The following RRN3 variants were observed in gnomAD, a reference collection of about 807,000 sequenced individuals.
RRN3 encodes the protein RNA polymerase I transcription factor RRN3.
In RRN3, 38 loss-of-function variants were observed where a neutral mutation model predicts 82.3. That is an observed-to-expected ratio of 0.46 (90% CI 0.36 to 0.61). The LOEUF (loss-of-function observed/expected upper bound fraction) is 0.61. Among genes scored for constraint, RRN3 ranks in the 20% least tolerant of loss-of-function variants. The pLI, the probability that RRN3 is intolerant of heterozygous loss-of-function variation, is 0.00. For missense variants in RRN3, 726 were observed against 793.1 expected, an observed-to-expected ratio of 0.92 and a Z score of 1.02; for synonymous variants, 284 against 284.3, an observed-to-expected ratio of 1.00 and a Z score of 0.01.
rs765870055 is a variant in RRN3, at chr16:15,092,553, G to A, written c.151C>T (p.Arg51Trp). 11 of 1,613,428 alleles carry A rather than the reference G, an allele frequency of 6.8e-6. No homozygotes were observed. The East Asian group carries it at 8.9e-5, about 13-fold the overall frequency. The change falls in exon 2 of 18, where the codon CGG becomes TGG. Residue 51 changes from arginine (R) to tryptophan (W), a missense_variant. Physicochemically the swap from Arg to Trp is moderately radical, Grantham distance 101. Coordinates refer to ENST00000198767, the MANE Select transcript of RRN3 (RefSeq NM_018427.5). ...FFNSPPRKTV[R>W]FGGTVTEVLL... ...ACTTCTGTCACAGTTCCACCAAACC[G>A]AACAGTTTTTCTTGGGGGAGAATTG...
At chr16:15,065,636 ATAT>A (rs2044937165) in intron 15 of RRN3, among the ~76,000 whole-genome samples, 1 of 152,200 alleles carries the variant, frequency 6.6e-6, no homozygotes, top group African/African-American at 2.4e-5. Flanking sequence ...TGAGTAATAG[ATAT>A]TATTCATTAT....
At chr16:15,076,726 T>A in intron 9 of RRN3, 76 bp from the exon 10 acceptor site, 1 of 1,015,906 alleles carries the variant, frequency 9.8e-7, no homozygotes, top group Non-Finnish European at 1.5e-6. Flanking sequence ...TGGAAATTCA[T>A]CTGATATACG....
In RRN3 at chr16:15,072,988, C is replaced by T. The variant is rs528304449; in HGVS notation, c.1090G>A (p.Val364Ile). The T allele has an allele frequency of 3.7e-6, 6 of 1,613,696 alleles. 1 individual carries two copies. In the South Asian group the frequency reaches 4.4e-5, roughly 12 times the overall value. ...LLLPTHASCHVQFFMFYLCSF... is the reference protein window; with the variant it reads ...LLLPTHASCHIQFFMFYLCSF... ...CAGAGGTAAAACATGAAAAACTGTA[C>T]ATGGCAGGAGGCATGGGTGGGCAAC... is the stretch of plus-strand genomic sequence containing the variant. Residue 364 changes from valine to isoleucine, a missense_variant, in exon 12 of 18, where the codon GTA becomes ATA. Transcript: ENST00000198767.
chr16:15,086,308 T>C (rs376310085), intron 4 of RRN3, 50 bp from the exon 5 acceptor site: 8 of 1,602,186 alleles, frequency 5.0e-6, no homozygotes, highest in African/African-American at 2.7e-5. Flanking sequence ...ATATAACATA[T>C]ACTATTACCA....
intron 3 of RRN3, among the ~76,000 whole-genome samples, chr16:15,089,850 T>A (rs150378517): frequency 7.0e-6 from 1 of 142,720 alleles, no homozygotes; most frequent in Admixed American, 7.1e-5. Context: ...TCAGAAACGC[T>A]GAAGTTTTAA....
At chr16:15,086,296 T>A (rs1267133739) in intron 4 of RRN3, 38 bp from the exon 5 acceptor site, 1 of 1,574,764 alleles carries the variant, frequency 6.4e-7, no homozygotes, top group Non-Finnish European at 8.7e-7. Flanking sequence ...AGCATGTTAT[T>A]AATATAACAT....
chr16:15,070,196 G>A lies in RRN3; in HGVS notation c.1318C>T (p.Gln440Ter). The A allele has an allele frequency of 6.2e-7, 1 of 1,606,842 alleles. No homozygotes were observed. The highest frequency in any genetic ancestry group is 1.3e-5 in the African/African-American group (1 of 74,130). ...CAGAATGCCTTTGTTCCCGAATCCT[G>A]GTTATTAAGGTATATGTGCAGCCAG... ...VNWLHIYLNN[Q>*]DSGTKAFCDV... is the part of the protein sequence containing the mutation. Residue 440 changes from glutamine to a stop codon, truncating the protein, a stop_gained, in exon 14 of 18, where the codon CAG (glutamine) becomes TAG (stop). Transcript: ENST00000198767. LOFTEE classifies it high-confidence loss of function.
chr16:15,087,140 G>A (rs1159935886), intron 3 of RRN3, among the ~76,000 whole-genome samples: 3 of 151,900 alleles, frequency 2.0e-5, no homozygotes, highest in East Asian at 1.9e-4. Flanking sequence ...ATACTGCACA[G>A]GAAAAAAACC....
In RRN3 at chr16:15,060,778, C is replaced by T. The variant is rs1451155379; in HGVS notation, c.*966G>A. Reference sequence around the variant, plus strand: ...CCAAGACTGCACTAGCAACTTCCACCTATTGTTGTGAGCAAAACCGTACAC... The same window carrying T: ...CCAAGACTGCACTAGCAACTTCCACTTATTGTTGTGAGCAAAACCGTACAC... On this transcript the variant is annotated 3_prime_UTR_variant, in exon 18 of 18. Transcript: ENST00000198767. The T allele has an allele frequency of 6.6e-6, 1 of 152,270 alleles. No homozygotes were observed. The highest frequency in any genetic ancestry group is 1.5e-5 in the Non-Finnish European group (1 of 68,062). The allele number at this position is 152,270 out of a possible 1,614,324, so 9.4% of individuals were successfully genotyped here. A position where few individuals can be genotyped will look rare whatever the true frequency, so the allele number is the denominator to read the frequency against.
chr16:15,067,519 G>C (rs1196038302), intron 15 of RRN3, among the ~76,000 whole-genome samples: 1 of 138,606 alleles, frequency 7.2e-6, no homozygotes, highest in Non-Finnish European at 1.6e-5. Context: ...CCAGACCTGA[G>C]AGAACAGAAC....
At chr16:15,090,616 A>C (rs2046091910) in intron 3 of RRN3, among the ~76,000 whole-genome samples, 1 of 152,196 alleles carries the variant, frequency 6.6e-6, no homozygotes, top group Non-Finnish European at 1.5e-5. Context: ...AACACTCCAT[A>C]TTTTTTAAAT....
At chr16:15,088,785 C>G (rs1044521260) in intron 3 of RRN3, among the ~76,000 whole-genome samples, 4 of 152,064 alleles carry the variant, frequency 2.6e-5, no homozygotes, top group South Asian at 2.1e-4. Context: ...GATAATAAAT[C>G]TGGGGAACAA....
chr16:15,082,008 T>TTG (rs2045726541), intron 8 of RRN3, among the ~76,000 whole-genome samples: 2 of 152,162 alleles, frequency 1.3e-5, no homozygotes, highest in Non-Finnish European at 2.9e-5. Context: ...CTAAAATTTC[T>TTG]TGTGTGTGTG....
intron 3 of RRN3, among the ~76,000 whole-genome samples, chr16:15,087,826 T>C (rs993788948): frequency 1.3e-5 from 2 of 152,126 alleles, no homozygotes. Context: ...TTTTTAAAAG[T>C]AAATCAGGCT....
Position 15,072,969 on chromosome 16 carries a change from T to TAA in RRN3, c.1107_1108dup (p.Tyr370PhefsTer54). On this transcript the variant is annotated frameshift_variant, in exon 12 of 18. Coordinates refer to ENST00000198767, the MANE Select transcript of RRN3 (RefSeq NM_018427.5). LOFTEE classifies it high-confidence loss of function. ...ACTCACCAATTTGAAACTACAGAGG[T>TAA]AAAACATGAAAAACTGTACATGGCA... 6.2e-7 allele frequency: 1 copy of TAA among 1,613,350 alleles called. No individual in the cohort carries two copies. The highest frequency in any genetic ancestry group is 1.1e-5 in the South Asian group (1 of 90,826).
At chr16:15,080,723 G>T (rs530397952) in intron 8 of RRN3, among the ~76,000 whole-genome samples, 1 of 152,232 alleles carries the variant, frequency 6.6e-6, no homozygotes, top group South Asian at 2.1e-4. Flanking sequence ...CGCCCAGCCA[G>T]CAATTTTGTA....
At chr16:15,077,446 A>C (rs2045509456) in intron 9 of RRN3, among the ~76,000 whole-genome samples, 1 of 151,808 alleles carries the variant, frequency 6.6e-6, no homozygotes, top group Non-Finnish European at 1.5e-5. Context: ...CCACTTTTAC[A>C]TCTTCCTCAT....
Position 15,060,563 on chromosome 16 carries a change from AC to A in RRN3, c.*1180del, listed in dbSNP as rs1236824143. ...TAAAGATGGCCATTTTCACAAGTAA[AC>A]AAAAAAGTACACATGTAAGAAACAA... On this transcript the variant is annotated 3_prime_UTR_variant, in exon 18 of 18. Coordinates refer to ENST00000198767, the MANE Select transcript of RRN3 (RefSeq NM_018427.5). The A allele has an allele frequency of 6.5e-6, 1 of 153,826 alleles. No homozygotes were observed. The highest frequency in any genetic ancestry group is 1.4e-5 in the Non-Finnish European group (1 of 69,056). 9.5% of individuals were successfully genotyped at this position (153,826 alleles called of 1,614,324 possible). A position where few individuals can be genotyped will look rare whatever the true frequency, so the allele number is the denominator to read the frequency against.
At chr16:15,076,096 T>A (rs746793680) in intron 10 of RRN3, among the ~76,000 whole-genome samples, 3 of 152,038 alleles carry the variant, frequency 2.0e-5, no homozygotes, top group Non-Finnish European at 4.4e-5. Flanking sequence ...CCGGCCCCCG[T>A]TTAGCTCCCC....
Sources: allele counts gnomAD v4.1 joint callset (sites outside exome capture counted in the v4.1 genomes callset), GRCh38; gene constraint gnomAD v4.1.1; transcripts MANE v1.5; gene names NCBI Gene and HGNC (gene_info 2026-07-23, HGNC 2026-07-21).